EFCAB13: variants seen among roughly 807,000 people sequenced by gnomAD.
EFCAB13 encodes EF-hand calcium binding domain 13, also known as EF-hand calcium-binding domain-containing protein 13.
EFCAB13 carries 91 observed loss-of-function variants against 110.2 expected under a neutral mutation model. That is an observed-to-expected ratio of 0.83 (90% CI 0.70 to 0.98). EFCAB13 has a LOEUF of 0.98. EFCAB13 is among the 50% of genes least tolerant of loss of function. EFCAB13 has a pLI of 0.00. For missense variants in EFCAB13, 968 were observed against 1,119.4 expected, an observed-to-expected ratio of 0.86 and a Z score of 1.93; for synonymous variants, 323 against 369.9, an observed-to-expected ratio of 0.87 and a Z score of 1.45.
At chr17:47,360,123 T>G (rs1201576020) in intron 9 of EFCAB13, among the ~76,000 whole-genome samples, 1 of 152,146 alleles carries the variant, frequency 6.6e-6, no homozygotes, top group Non-Finnish European at 1.5e-5. Context: ...TGATTTATAG[T>G]CCTTTGGGTA....
chr17:47,362,039 AATTG>A (rs1451401544), intron 10 of EFCAB13, among the ~76,000 whole-genome samples: 1 of 152,106 alleles, frequency 6.6e-6, no homozygotes, highest in Non-Finnish European at 1.5e-5. Context: ...ATTAGTGATT[AATTG>A]ATTGATTCAT....
Position 47,391,507 on chromosome 17 carries a change from T to A in EFCAB13, c.1653T>A (p.Thr551=), listed in dbSNP as rs2065707561. 4 of 1,595,368 alleles carry A rather than the reference T, an allele frequency of 2.5e-6. No individual in the cohort carries two copies. The highest frequency in any genetic ancestry group is 3.4e-6 in the Non-Finnish European group (4 of 1,173,108). The change falls in exon 15 of 25, where the codon ACT becomes ACA. Residue 551 remains threonine, a synonymous_variant. Coordinates refer to ENST00000331493, the MANE Select transcript of EFCAB13 (RefSeq NM_152347.5). ...ATGTGGATTATGAGGATCTAAATACTTGTCTTCAAAATTTTGGTATTTACC... is the reference window on the plus strand; with the variant it reads ...ATGTGGATTATGAGGATCTAAATACATGTCTTCAAAATTTTGGTATTTACC... ...DKNVDYEDLN[T]CLQNFGIYLS... is the part of the protein sequence containing the mutation.
chr17:47,433,610 C>A (rs1453411943), intron 24 of EFCAB13, among the ~76,000 whole-genome samples: 2 of 152,142 alleles, frequency 1.3e-5, no homozygotes, highest in African/African-American at 4.8e-5. Flanking sequence ...GAATTGCTAG[C>A]CTGTAGCAAT....
At chr17:47,400,779 G>A (rs2065774621) in intron 17 of EFCAB13, among the ~76,000 whole-genome samples, 1 of 152,012 alleles carries the variant, frequency 6.6e-6, no homozygotes, top group African/African-American at 2.4e-5. Flanking sequence ...ATTCAGAGGG[G>A]ACTCCATTTA....
At chr17:47,362,091 C>G (rs371841490) in intron 10 of EFCAB13, among the ~76,000 whole-genome samples, 2 of 151,478 alleles carry the variant, frequency 1.3e-5, no homozygotes, top group African/African-American at 2.4e-5. Flanking sequence ...AACCAGGTGC[C>G]GAGGCAAGAG....
chr17:47,432,376 C>T (rs964148424), intron 24 of EFCAB13, among the ~76,000 whole-genome samples: 5 of 150,492 alleles, frequency 3.3e-5, no homozygotes, highest in South Asian at 4.2e-4. Flanking sequence ...CCAGCGTGGG[C>T]GACTGAGCAA....
chr17:47,424,896 T>TTTTTTTTTTTTTTTTTTTTTTTTTTTG (rs1567807243), intron 23 of EFCAB13, among the ~76,000 whole-genome samples: 1 of 84,482 alleles, frequency 1.2e-5, no homozygotes, highest in African/African-American at 6.0e-5. Context: ...TTTTTTTTTT[T>TTTTTTTTTTTTTTTTTTTTTTTTTTTG]TTTTGAGACG....
intron 10 of EFCAB13, among the ~76,000 whole-genome samples, chr17:47,367,479 G>A (rs2065554016): frequency 6.6e-6 from 1 of 152,214 alleles, no homozygotes; most frequent in South Asian, 2.1e-4. Flanking sequence ...GTATATATTT[G>A]GAGGGGACGT....
Position 47,374,853 on chromosome 17 carries a change from T to G in EFCAB13, c.1259T>G (p.Leu420Arg). ...AGTAGTACAAGCCTCAGTAAGTCTC[T>G]GGATAAAAGTGATATTTCTAGTATC... ...LKSSTSLSKSLDKSDISSIPK... is the reference protein window; with the variant it reads ...LKSSTSLSKSRDKSDISSIPK... Residue 420 changes from leucine (L) to arginine (R), a missense_variant, in exon 12 of 25, where the codon CTG (leucine) becomes CGG (arginine). Coordinates refer to ENST00000331493, the MANE Select transcript of EFCAB13 (RefSeq NM_152347.5). The G allele has an allele frequency of 6.2e-7, 1 of 1,613,680 alleles. No homozygotes were observed. The highest frequency in any genetic ancestry group is 1.1e-5 in the South Asian group (1 of 90,910).
chr17:47,370,531 G>A (rs773382291), intron 11 of EFCAB13, 23 bp downstream of exon 11: 1 of 1,516,002 alleles, frequency 6.6e-7, no homozygotes, highest in Non-Finnish European at 9.1e-7. Flanking sequence ...TTGTTGCTAT[G>A]ACAAGTTTTG....
At chr17:47,383,514 T>C (rs1049147458) in intron 14 of EFCAB13, among the ~76,000 whole-genome samples, 3 of 152,242 alleles carry the variant, frequency 2.0e-5, no homozygotes, top group Admixed American at 2.0e-4. Context: ...AACTTATTTA[T>C]TTCTGCCTTC....
At chr17:47,417,702 C>T (rs554660281) in intron 23 of EFCAB13, among the ~76,000 whole-genome samples, 22 of 152,260 alleles carry the variant, frequency 1.4e-4, no homozygotes, top group Middle Eastern at 3.4e-3. Flanking sequence ...TCGCCATTTC[C>T]ACAATCTCTT....
At chr17:47,397,993 C>T (rs576607847) in intron 17 of EFCAB13, among the ~76,000 whole-genome samples, 1 of 150,000 alleles carries the variant, frequency 6.7e-6, no homozygotes, top group South Asian at 2.1e-4. Context: ...GCCCGGCCAG[C>T]CGCCCCGTCC....
chr17:47,378,027 A>C, intron 13 of EFCAB13, 124 bp downstream of exon 13: 1 of 882,848 alleles, frequency 1.1e-6, no homozygotes, highest in Non-Finnish European at 1.6e-6. Context: ...CATTCTAAAG[A>C]AAATTCAGAT....
At chr17:47,401,015 G>A (rs2065776088) in intron 17 of EFCAB13, among the ~76,000 whole-genome samples, 3 of 152,142 alleles carry the variant, frequency 2.0e-5, no homozygotes, top group Admixed American at 1.3e-4. Context: ...CTTCTCTACC[G>A]TTTCTCCCAT....
chr17:47,416,884 A>G (rs1904469562), intron 23 of EFCAB13, among the ~76,000 whole-genome samples: 1 of 152,214 alleles, frequency 6.6e-6, no homozygotes, highest in Non-Finnish European at 1.5e-5. Flanking sequence ...AACGAAAGAA[A>G]GTCCACATTT....
intron 21 of EFCAB13, 125 bp from the exon 22 acceptor site, chr17:47,412,648 G>T: frequency 1.0e-6 from 1 of 981,576 alleles, no homozygotes. Flanking sequence ...AAAATATTGT[G>T]TTTCCTTTGG....
In EFCAB13 at chr17:47,374,741, C is replaced by G. The variant is rs753501839; in HGVS notation, c.1147C>G (p.Pro383Ala). 6.2e-7 allele frequency: 1 copy of G among 1,613,726 alleles called. No individual in the cohort carries two copies. Among genetic ancestry groups the G allele is most frequent in the African/African-American group, 1.3e-5 (1 of 74,856 alleles). ...VGSSNVGVQE[P>A]YSKNGINFKK... ...CAGCAGTAATGTAGGAGTCCAAGAA[C>G]CATATTCAAAGAATGGCATAAACTT... Residue 383 changes from proline (P) to alanine (A), a missense_variant, in exon 12 of 25, where the codon CCA (proline) becomes GCA (alanine). By Grantham distance (27) the Pro-to-Ala change is conservative. Coordinates refer to ENST00000331493, the MANE Select transcript of EFCAB13 (RefSeq NM_152347.5).
Position 47,440,484 on chromosome 17 carries a change from A to G in EFCAB13, c.2692A>G (p.Thr898Ala). ...TATGACTAAATTATCCGATATATTG[A>G]CAATTCCTAAAGCTGCAGGTAAGTT... ...EFMTKLSDIL[T>A]IPKAAGKFYL... The change falls in exon 25 of 25, where the codon ACA (threonine) becomes GCA (alanine). Residue 898 changes from threonine (T) to alanine (A), a missense_variant. By Grantham distance (58) the Thr-to-Ala change is moderately conservative. Transcript: ENST00000331493. 1 of 1,610,194 alleles carries G rather than the reference A, an allele frequency of 6.2e-7. No individual in the cohort carries two copies. Among genetic ancestry groups the G allele is most frequent in the South Asian group, 1.1e-5 (1 of 89,874 alleles).
Sources: allele counts gnomAD v4.1 joint callset (sites outside exome capture counted in the v4.1 genomes callset), GRCh38; gene constraint gnomAD v4.1.1; transcripts MANE v1.5; gene names NCBI Gene and HGNC (gene_info 2026-07-23, HGNC 2026-07-21).